The following SLC12A6 variants were observed in gnomAD, a reference collection of about 807,000 sequenced individuals.
SLC12A6 encodes the protein solute carrier family 12 member 6, also known as K-Cl cotransporter 3.
SLC12A6 carries 66 observed loss-of-function variants against 135.3 expected under a neutral mutation model. The ratio of observed to expected loss-of-function variants is 0.49; its 90% CI spans 0.40 to 0.60. The LOEUF (loss-of-function observed/expected upper bound fraction) is 0.60, where lower values mean the gene tolerates loss of function less well. Among genes scored for constraint, SLC12A6 ranks in the 20% least tolerant of loss-of-function variants. SLC12A6 has a pLI of 0.00. For missense variants in SLC12A6, 1,058 were observed against 1,452.3 expected, an observed-to-expected ratio of 0.73 and a Z score of 4.41; for synonymous variants, 513 against 508.8, an observed-to-expected ratio of 1.01 and a Z score of -0.11.
chr15:34,310,304 T>A (rs1352776252), intron 2 of SLC12A6, among the ~76,000 whole-genome samples: 1 of 85,084 alleles, frequency 1.2e-5, no homozygotes, highest in Non-Finnish European at 2.1e-5. Flanking sequence ...GGCTCAAGTG[T>A]GTGTGTGTGT....
intron 2 of SLC12A6, among the ~76,000 whole-genome samples, chr15:34,323,171 G>A (rs182268739): frequency 5.3e-4 from 80 of 151,992 alleles, no homozygotes; most frequent in African/African-American, 1.8e-3. Flanking sequence ...AATTCCCTAC[G>A]CCTCAATAAT....
intron 2 of SLC12A6, among the ~76,000 whole-genome samples, chr15:34,291,851 C>A (rs1895555443): frequency 1.3e-5 from 2 of 152,014 alleles, no homozygotes; most frequent in South Asian, 4.1e-4. Context: ...TTAAGCTCTT[C>A]TCTACACTGG....
intron 22 of SLC12A6, 118 bp downstream of exon 22, chr15:34,237,301 A>G: frequency 1.4e-6 from 1 of 726,180 alleles, no homozygotes; most frequent in Non-Finnish European, 2.3e-6. Context: ...TTTTTTTGGC[A>G]CTAGGGGATT....
intron 2 of SLC12A6, among the ~76,000 whole-genome samples, chr15:34,300,011 T>C (rs139832603): frequency 6.9e-4 from 105 of 152,232 alleles, no homozygotes; most frequent in African/African-American, 1.9e-3. Context: ...TGAGAATTAT[T>C]TGGAAGACTA....
chr15:34,288,040 G>T (rs777407397), intron 2 of SLC12A6, among the ~76,000 whole-genome samples: 1 of 152,192 alleles, frequency 6.6e-6, no homozygotes, highest in African/African-American at 2.4e-5. Context: ...TTTTAGACAT[G>T]AAGTCTTTGC....
chr15:34,296,798 C>A (rs1431939779), intron 2 of SLC12A6, among the ~76,000 whole-genome samples: 1 of 151,944 alleles, frequency 6.6e-6, no homozygotes, highest in Non-Finnish European at 1.5e-5. Flanking sequence ...TTATGGAATC[C>A]AACAGAGAGT....
chr15:34,235,793 A>T (rs1891221502), intron 24 of SLC12A6, among the ~76,000 whole-genome samples: 2 of 152,064 alleles, frequency 1.3e-5, no homozygotes, highest in African/African-American at 4.8e-5. Flanking sequence ...CTGTTGGCTT[A>T]TTTTATAGTA....
At chr15:34,314,806 C>T (rs557031741) in intron 2 of SLC12A6, 78 of 150,584 alleles carry the variant, frequency 5.2e-4, no homozygotes, top group African/African-American at 1.8e-3. Flanking sequence ...CTCACTCCTA[C>T]TCCTTCACTT....
intron 2 of SLC12A6, among the ~76,000 whole-genome samples, chr15:34,315,108 A>G (rs114990019): frequency 0.027 from 4,155 of 152,298 alleles, 192 homozygotes; most frequent in African/African-American, 0.095. Flanking sequence ...CACTGGTGAA[A>G]TGGCAACAAA....
chr15:34,262,954 GCATGGA>G (rs1349492544), intron 3 of SLC12A6, among the ~76,000 whole-genome samples: 2 of 152,190 alleles, frequency 1.3e-5, no homozygotes, highest in Non-Finnish European at 2.9e-5. Context: ...CAAAGCCTGG[GCATGGA>G]TGTTGCTGGC....
chr15:34,229,879 A>AAT lies in SLC12A6; in HGVS notation c.*4000_*4001dup. On this transcript the variant is annotated 3_prime_UTR_variant, in exon 26 of 26. Coordinates refer to ENST00000354181, the MANE Select transcript of SLC12A6 (RefSeq NM_001365088.1). The stretch of plus-strand genomic sequence containing the variant: ...TGGCTCCTCAGCATACTCTTAAACT[A>AAT]ATCACTTATGTTAAAAAGAACCAAA... 8.3e-7 allele frequency: 1 copy of AAT among 1,210,678 alleles called. No individual in the cohort carries two copies. Among genetic ancestry groups the AAT allele is most frequent in the Middle Eastern group, 1.9e-4 (1 of 5,298 alleles). 75.0% of individuals were successfully genotyped at this position (1,210,678 alleles called of 1,614,324 possible).
At chr15:34,331,140 T>C (rs2141184974) in intron 2 of SLC12A6, among the ~76,000 whole-genome samples, 1 of 152,210 alleles carries the variant, frequency 6.6e-6, no homozygotes, top group South Asian at 2.1e-4. Flanking sequence ...AAAATGATAA[T>C]TTTGTTTTTT....
chr15:34,304,393 T>C (rs1450002552), intron 2 of SLC12A6, among the ~76,000 whole-genome samples: 1 of 152,260 alleles, frequency 6.6e-6, no homozygotes, highest in Non-Finnish European at 1.5e-5. Flanking sequence ...TGTACAAGTT[T>C]TTGTGTGGAA....
chr15:34,321,427 C>G (rs1889081552), intron 2 of SLC12A6, among the ~76,000 whole-genome samples: 1 of 152,152 alleles, frequency 6.6e-6, no homozygotes, highest in Admixed American at 6.6e-5. Context: ...GTACAATACA[C>G]TATCACAATG....
chr15:34,243,845 A>C (rs982670354), intron 16 of SLC12A6, 129 bp downstream of exon 16: 1 of 713,924 alleles, frequency 1.4e-6, no homozygotes. Context: ...TAAGAATTGA[A>C]AGTTGAAACA....
intron 23 of SLC12A6, among the ~76,000 whole-genome samples, 198 bp downstream of exon 23, chr15:34,236,510 A>G (rs1364331561): frequency 6.6e-6 from 1 of 151,784 alleles, no homozygotes; most frequent in Non-Finnish European, 1.5e-5. Context: ...ATGCCCGGCT[A>G]ATTTTCGTAC....
At chr15:34,272,410 G>C (rs1894027396) in intron 3 of SLC12A6, among the ~76,000 whole-genome samples, 1 of 152,146 alleles carries the variant, frequency 6.6e-6, no homozygotes, top group Non-Finnish European at 1.5e-5. Context: ...AAGGTTTTGA[G>C]GCTACAGCTA....
chr15:34,260,909 T>C lies in SLC12A6; in HGVS notation c.411+17A>G. 8 of 1,065,024 alleles carry C rather than the reference T, an allele frequency of 7.5e-6. No individual in the cohort carries two copies. Among genetic ancestry groups the C allele is most frequent in the Non-Finnish European group, 1.2e-5 (8 of 678,506 alleles). 66.0% of individuals were successfully genotyped at this position (1,065,024 alleles called of 1,614,324 possible). On this transcript the variant is annotated intron_variant, in intron 4 of 25. Transcript: ENST00000354181. Reference sequence around the variant, plus strand: ...TGTTCCTAAAGTCTCAGTCCATAGTTTTCTCCAAAATATTACCTCAAAGAG... The same window carrying C: ...TGTTCCTAAAGTCTCAGTCCATAGTCTTCTCCAAAATATTACCTCAAAGAG...
intron 2 of SLC12A6, among the ~76,000 whole-genome samples, chr15:34,307,133 C>T (rs1313081924): frequency 6.6e-6 from 1 of 152,114 alleles, no homozygotes. Context: ...ACAAAATATA[C>T]ACCTTAAAGA....
Sources: gnomAD v4.1 joint callset for allele counts (sites outside exome capture counted in the v4.1 genomes callset) on GRCh38, gnomAD v4.1.1 for gene constraint, MANE v1.5 for transcripts, NCBI Gene and HGNC (gene_info 2026-07-23, HGNC 2026-07-21) for gene names.